Variants in ZBTB18 observed in about 807,000 individuals in gnomAD.
The protein encoded by ZBTB18 is zinc finger and BTB domain containing 18, also known as zinc finger and BTB domain-containing protein 18.
Under a neutral mutation model 37.7 loss-of-function variants are expected in ZBTB18, and 2 were observed. That is an observed-to-expected ratio of 0.05 (90% CI 0.02 to 0.17). The LOEUF (loss-of-function observed/expected upper bound fraction) is 0.17. Among genes scored for constraint, ZBTB18 ranks in the 10% least tolerant of loss-of-function variants. ZBTB18 has a pLI of 1.00. For synonymous variants in ZBTB18, 304 were observed against 276.5 expected (o/e 1.10, Z -0.99); for missense variants, 408 against 686.3 (o/e 0.59, Z 4.53).
At position 244,053,187 on chromosome 1, in the gene ZBTB18, C is replaced by A. The variant is rs1229580413; in HGVS notation, c.14-601C>A. The stretch of plus-strand genomic sequence containing the variant: ...TATACACAGGGCTTTTGTTGTAACA[C>A]CCTGACTTTAAAAGTAAGTTGTTTG... On this transcript the variant is annotated intron_variant, in intron 1 of 1. Coordinates refer to ENST00000358704, the MANE Select transcript of ZBTB18 (RefSeq NM_205768.3). This position sits in a 1 kb window ranked among gnomAD's most constrained non-coding sequence, Gnocchi z 5.2. 6.6e-6 allele frequency among the ~76,000 whole-genome samples: 1 copy of A among 152,154 alleles called. No homozygotes were observed. The highest frequency in any genetic ancestry group is 1.9e-4 in the East Asian group (1 of 5,202).
chr1:244,048,628 G>GCCCCCC (rs1325001619), upstream of ZBTB18, among the ~76,000 whole-genome samples: 26 of 79,466 alleles, frequency 3.3e-4, 1 homozygote, highest in Non-Finnish European at 3.8e-4. Flanking sequence ...CCCCGCGCCC[G>GCCCCCC]CCCCCCCCCC....
rs1698391653 is a variant in ZBTB18 at position 244,053,462 on chromosome 1, A to T, written c.14-326A>T. On this transcript the variant is annotated intron_variant, in intron 1 of 1. Transcript: ENST00000358704. The surrounding 1 kb of genome is among the most constrained non-coding windows in gnomAD (Gnocchi z 5.2). ...GGACATAATTTGATAAGTAGAGTTAATTAAATTTCTTCTGGAAGAGATCTA... is the reference window on the plus strand; with the variant it reads ...GGACATAATTTGATAAGTAGAGTTATTTAAATTTCTTCTGGAAGAGATCTA... Among the ~76,000 whole-genome samples, 1 of 152,212 alleles carries T rather than the reference A, an allele frequency of 6.6e-6. No homozygotes were observed. The highest frequency in any genetic ancestry group is 2.1e-4 in the South Asian group (1 of 4,832).
rs1698405743 is a variant in ZBTB18, at chr1:244,054,166, C to T, written c.392C>T (p.Thr131Ile). The part of the protein sequence containing the change: ...VCKKKLKEKA[T>I]TEADSTKKEE... ...AAAAAGAAGCTGAAAGAGAAAGCCACCACGGAGGCAGACAGCACCAAAAAG... is the reference window on the plus strand; with the variant it reads ...AAAAAGAAGCTGAAAGAGAAAGCCATCACGGAGGCAGACAGCACCAAAAAG... The change falls in exon 2 of 2, where the codon ACC becomes ATC. Residue 131 changes from threonine to isoleucine, a missense_variant. Physicochemically the swap from Thr to Ile is moderately conservative, Grantham distance 89. Around this residue, in one of 4 missense-constraint regions of ZBTB18, gnomAD observed 95 missense variants for 218.7 expected, o/e 0.43. Transcript: ENST00000358704. The surrounding 1 kb of genome is among the most constrained non-coding windows in gnomAD (Gnocchi z 9.0). 1 of 1,614,120 alleles carries T rather than the reference C, an allele frequency of 6.2e-7. No homozygotes were observed. Among genetic ancestry groups the T allele is most frequent in the Non-Finnish European group, 8.5e-7 (1 of 1,180,030 alleles).
upstream of ZBTB18, among the ~76,000 whole-genome samples, chr1:244,049,217 G>C (rs1328699649): frequency 6.9e-6 from 1 of 144,256 alleles, no homozygotes; most frequent in Admixed American, 6.8e-5. Flanking sequence ...GCGCGGGGAC[G>C]GGGCCGCTGC....
In ZBTB18 at chr1:244,053,008, C is replaced by G. The variant is rs925479328; in HGVS notation, c.14-780C>G. ...TAATATTCTGAAAGTACAGTTTCTA[C>G]AAAGAAATGTAACTACTTTTTTCTC... is the stretch of plus-strand genomic sequence containing the variant. On this transcript the variant is annotated intron_variant, in intron 1 of 1. Coordinates refer to ENST00000358704, the MANE Select transcript of ZBTB18 (RefSeq NM_205768.3). This position sits in a 1 kb window ranked among gnomAD's most constrained non-coding sequence, Gnocchi z 5.2. 6.6e-6 allele frequency among the ~76,000 whole-genome samples: 1 copy of G among 152,164 alleles called. No individual in the cohort carries two copies. The highest frequency in any genetic ancestry group is 1.5e-5 in the Non-Finnish European group (1 of 68,032).
At chr1:244,050,756 G>A (rs1698331492), upstream of ZBTB18, among the ~76,000 whole-genome samples, 1 of 152,138 alleles carries the variant, frequency 6.6e-6, no homozygotes, top group South Asian at 2.1e-4. Context: ...TGAAGTAATA[G>A]TTCTGAACAA....
At chr1:244,050,286 G>A (rs892384644), upstream of ZBTB18, among the ~76,000 whole-genome samples, 2 of 152,148 alleles carry the variant, frequency 1.3e-5, no homozygotes, top group Non-Finnish European at 2.9e-5. Flanking sequence ...GCAGCACCCT[G>A]CCCGGTACCG....
At chr1:244,048,694 C>G (rs1013056039), upstream of ZBTB18, among the ~76,000 whole-genome samples, 1 of 147,398 alleles carries the variant, frequency 6.8e-6, no homozygotes, top group Non-Finnish European at 1.5e-5. Context: ...CGCTCGCTCC[C>G]TCGCTGTGTC....
rs1194781354 is a variant in ZBTB18, at chr1:244,056,653, A to G, written c.*1283A>G. The G allele has an allele frequency of 1.6e-5, 1 of 63,312 alleles. No individual in the cohort carries two copies. The highest frequency in any genetic ancestry group is 4.4e-4 in the East Asian group (1 of 2,288). The allele number at this position is 63,312 out of a possible 1,614,324, so 3.9% of individuals were successfully genotyped here. On this transcript the variant is annotated 3_prime_UTR_variant, in exon 2 of 2. Transcript: ENST00000358704. The stretch of plus-strand genomic sequence containing the variant: ...CCTTCCTCCTTACCCTCCCTCCCTT[A>G]CTCTCCCCCCCCACCACCACCCTCC...
In ZBTB18 at chr1:244,055,041, C is replaced by T. The variant is rs1302579512; in HGVS notation, c.1267C>T (p.Leu423=). ...CGATGTCAACGTGCCCACGTGCTCG[C>T]TGTGTGGGAAGACTTTCTCTTGCAT... is the stretch of plus-strand genomic sequence containing the variant. ...AADVNVPTCS[L]CGKTFSCMYT... Residue 423 remains leucine, a synonymous_variant, in exon 2 of 2, where the codon CTG becomes TTG. Transcript: ENST00000358704. This position sits in a 1 kb window ranked among gnomAD's most constrained non-coding sequence, Gnocchi z 7.0. 2.5e-6 allele frequency: 4 copies of T among 1,614,096 alleles called. No homozygotes were observed. The highest frequency in any genetic ancestry group is 1.3e-5 in the African/African-American group (1 of 74,946).
chr1:244,050,783 G>C (rs1052213163), upstream of ZBTB18, among the ~76,000 whole-genome samples: 3 of 152,168 alleles, frequency 2.0e-5, no homozygotes, highest in African/African-American at 7.2e-5. Context: ...CAACATTTGA[G>C]ACATGTATAC....
chr1:244,054,755 G>A lies in ZBTB18; in HGVS notation c.981G>A (p.Arg327=). 2 of 1,614,170 alleles carry A rather than the reference G, an allele frequency of 1.2e-6. No homozygotes were observed. The highest frequency in any genetic ancestry group is 1.7e-6 in the Non-Finnish European group (2 of 1,180,014). ...QYEPAHLAPL[R]EDSVLRELDR... ...AGCCGGCCCATCTGGCTCCCCTGAG[G>A]GAGGACTCGGTCTTGAGGGAGCTGG... The change falls in exon 2 of 2, where the codon AGG becomes AGA. Residue 327 remains arginine (R), a synonymous_variant. Coordinates refer to ENST00000358704, the MANE Select transcript of ZBTB18 (RefSeq NM_205768.3). This position sits in a 1 kb window ranked among gnomAD's most constrained non-coding sequence, Gnocchi z 9.0.
chr1:244,053,725 G>A lies in ZBTB18; in HGVS notation c.14-63G>A, dbSNP rs1430131760. 8 of 1,531,366 alleles carry A rather than the reference G, an allele frequency of 5.2e-6. No individual in the cohort carries two copies. The highest frequency in any genetic ancestry group is 7.0e-6 in the Non-Finnish European group (8 of 1,142,690). 94.9% of individuals were successfully genotyped at this position (1,531,366 alleles called of 1,614,324 possible). A position where few individuals can be genotyped will look rare whatever the true frequency, so the allele number is the denominator to read the frequency against. On this transcript the variant is annotated intron_variant, in intron 1 of 1. Coordinates refer to ENST00000358704, the MANE Select transcript of ZBTB18 (RefSeq NM_205768.3). This position sits in a 1 kb window ranked among gnomAD's most constrained non-coding sequence, Gnocchi z 5.2. ...AAAGCGGAATTAATTTTTTTATATG[G>A]GGACTGGAGCGCTGAAAAGTTGTTC... is the stretch of plus-strand genomic sequence containing the variant.
upstream of ZBTB18, among the ~76,000 whole-genome samples, chr1:244,049,467 G>C (rs1698305016): frequency 1.3e-5 from 2 of 151,350 alleles, no homozygotes; most frequent in South Asian, 4.2e-4. Context: ...GGGGCCGGCG[G>C]GGGAGGGGGC....
At chr1:244,048,631 CCCCCCCCGCCCCCG>C (rs1285809008), upstream of ZBTB18, among the ~76,000 whole-genome samples, 1 of 142,558 alleles carries the variant, frequency 7.0e-6, no homozygotes, top group Non-Finnish European at 1.6e-5. Context: ...CGCGCCCGCC[CCCCCCCCGCCCCCG>C]CCCCCCCACC....
At position 244,055,292 on chromosome 1, in the gene ZBTB18, G is replaced by A. The variant is rs148342414; in HGVS notation, c.1518G>A (p.Ser506=). 9.0e-5 allele frequency: 145 copies of A among 1,613,572 alleles called. No homozygotes were observed. The highest frequency in any genetic ancestry group is 1.1e-4 in the South Asian group (10 of 91,068). The change falls in exon 2 of 2, where the codon TCG becomes TCA. Residue 506 remains serine, a synonymous_variant. Coordinates refer to ENST00000358704, the MANE Select transcript of ZBTB18 (RefSeq NM_205768.3). This position sits in a 1 kb window ranked among gnomAD's most constrained non-coding sequence, Gnocchi z 7.0. ...KFHCELVNSL[S]VKSEALSLPT... ...ACTGTGAGTTGGTGAACTCCTTGTC[G>A]GTCAAAAGCGAAGCACTGAGCTTGC...
In ZBTB18 at chr1:244,054,875, C is replaced by T. The variant is rs773765669; in HGVS notation, c.1101C>T (p.Tyr367=). The T allele has an allele frequency of 2.4e-5, 38 of 1,614,006 alleles. No homozygotes were observed. The highest frequency in any genetic ancestry group is 3.3e-5 in the Admixed American group (2 of 60,006). ...EGGMESSLLP[Y]VSNILSPAGQ... is the part of the protein sequence containing the mutation. ...GCATGGAGAGCAGTCTGCTCCCCTA[C>T]GTCTCCAACATCCTGAGCCCCGCGG... Residue 367 remains tyrosine (Y), a synonymous_variant, in exon 2 of 2, where the codon TAC becomes TAT. Coordinates refer to ENST00000358704, the MANE Select transcript of ZBTB18 (RefSeq NM_205768.3). The surrounding 1 kb of genome is among the most constrained non-coding windows in gnomAD (Gnocchi z 9.0).
Position 244,054,488 on chromosome 1 carries a change from C to T in ZBTB18, c.714C>T (p.Ser238=), listed in dbSNP as rs770486795. The T allele has an allele frequency of 3.0e-5, 49 of 1,614,058 alleles. No individual in the cohort carries two copies. The highest frequency in any genetic ancestry group is 3.9e-5 in the Non-Finnish European group (46 of 1,180,028). ...TESLSQRSVT[S]VRDSADVDCV... ...CTTTGTCCCAGAGGTCTGTCACCTC[C>T]GTGAGGGATTCGGCAGATGTTGACT... is the stretch of plus-strand genomic sequence containing the variant. The change falls in exon 2 of 2, where the codon TCC becomes TCT. Residue 238 remains serine, a synonymous_variant. Transcript: ENST00000358704. The surrounding 1 kb of genome is among the most constrained non-coding windows in gnomAD (Gnocchi z 9.0).
chr1:244,054,865 T>A lies in ZBTB18; in HGVS notation c.1091T>A (p.Leu364Gln). Reference sequence around the variant, plus strand: ...GTGGAGGGAGGCATGGAGAGCAGTCTGCTCCCCTACGTCTCCAACATCCTG... The same window carrying A: ...GTGGAGGGAGGCATGGAGAGCAGTCAGCTCCCCTACGTCTCCAACATCCTG... The part of the protein sequence containing the change: ...VQVEGGMESS[L>Q]LPYVSNILSP... The change falls in exon 2 of 2, where the codon CTG becomes CAG. Residue 364 changes from leucine to glutamine, a missense_variant. By Grantham distance (113) the Leu-to-Gln change is moderately radical. Transcript: ENST00000358704. This position sits in a 1 kb window ranked among gnomAD's most constrained non-coding sequence, Gnocchi z 9.0. The A allele has an allele frequency of 6.2e-7, 1 of 1,614,078 alleles. No homozygotes were observed.
Sources: allele counts gnomAD v4.1 joint callset (sites outside exome capture counted in the v4.1 genomes callset), GRCh38; gene constraint gnomAD v4.1.1; regional missense constraint gnomAD v4.1.1; non-coding constraint Gnocchi (gnomAD v3.1); transcripts MANE v1.5; gene names NCBI Gene and HGNC (gene_info 2026-07-23, HGNC 2026-07-21).